The following NRXN3 variants were observed in gnomAD, a reference collection of about 807,000 sequenced individuals.
NRXN3 encodes neurexin III.
A neutral mutation model predicts 137.6 loss-of-function variants in NRXN3; 32 were observed. That is an observed-to-expected ratio of 0.23 (90% CI 0.18 to 0.31). NRXN3 has a LOEUF of 0.31. Ranked by LOEUF, NRXN3 falls within the 10% of genes least tolerant of loss-of-function variation. NRXN3 has a pLI of 1.00. For missense variants in NRXN3, 1,574 were observed against 2,062.5 expected (o/e 0.76, Z 4.59); for synonymous variants, 798 against 784.5 (o/e 1.02, Z -0.29).
intron 15 of NRXN3, among the ~76,000 whole-genome samples, chr14:79,307,974 G>T (rs1011960587): frequency 6.6e-6 from 1 of 151,984 alleles, no homozygotes; most frequent in Non-Finnish European, 1.5e-5. Context: ...TTTCTCTGAG[G>T]CCTCTGTCTT....
chr14:78,517,515 T>A (rs1388464598), intron 4 of NRXN3, among the ~76,000 whole-genome samples: 1 of 152,156 alleles, frequency 6.6e-6, no homozygotes, highest in Non-Finnish European at 1.5e-5. Flanking sequence ...CTATGCTCAT[T>A]ATCAAAAAGC....
intron 4 of NRXN3, among the ~76,000 whole-genome samples, chr14:78,492,647 A>G (rs1207763437): frequency 8.5e-5 from 13 of 152,204 alleles, no homozygotes; most frequent in African/African-American, 2.7e-4. Context: ...AAAGCTATTT[A>G]CAGATACACT....
chr14:79,175,850 C>T (rs980309590), intron 15 of NRXN3, among the ~76,000 whole-genome samples: 5 of 152,196 alleles, frequency 3.3e-5, no homozygotes, highest in African/African-American at 1.2e-4. Context: ...TCTCTGTTTC[C>T]TGGCTAAGTT....
Position 78,215,772 on chromosome 14 carries a change from G to GGC in NRXN3, c.-703-26618_-703-26617insCG, listed in dbSNP as rs796829747. ...GGTTTCGTTTGTGCTGCAGGGGGGT[G>GGC]GGGGGGGCAGGGGTTAGTTTGTGCA... is the stretch of plus-strand genomic sequence containing the variant. On this transcript the variant is annotated intron_variant, in intron 1 of 20. Transcript: ENST00000335750. 3.4e-4 allele frequency among the ~76,000 whole-genome samples: 4 copies of GGC among 11,878 alleles called. No individual in the cohort carries two copies. The South Asian group carries it at 0.012, about 37-fold the overall frequency. The allele number at this position is 11,878 out of a possible 152,430, so 7.8% of individuals were successfully genotyped here.
intron 4 of NRXN3, among the ~76,000 whole-genome samples, chr14:78,441,277 C>T (rs1055461256): frequency 1.3e-5 from 2 of 152,160 alleles, no homozygotes; most frequent in African/African-American, 2.4e-5. Context: ...TCTCATCCTT[C>T]TTTCTCCTCC....
At chr14:78,726,380 C>T (rs2098483515) in intron 8 of NRXN3, among the ~76,000 whole-genome samples, 1 of 152,086 alleles carries the variant, frequency 6.6e-6, no homozygotes, top group South Asian at 2.1e-4. Context: ...TGATGTTCCC[C>T]TCCCTGTGTC....
At chr14:78,740,923 A>T (rs2098566263) in intron 8 of NRXN3, among the ~76,000 whole-genome samples, 1 of 152,204 alleles carries the variant, frequency 6.6e-6, no homozygotes, top group Non-Finnish European at 1.5e-5. Context: ...AATGTATTTA[A>T]AAGAAAATAG....
At chr14:79,234,670 G>C (rs2073066922) in intron 15 of NRXN3, among the ~76,000 whole-genome samples, 1 of 151,820 alleles carries the variant, frequency 6.6e-6, no homozygotes, top group African/African-American at 2.4e-5. Flanking sequence ...GTGTAAGCCA[G>C]GGTAGCTTTT....
At chr14:79,398,124 G>C (rs2095079409) in intron 15 of NRXN3, among the ~76,000 whole-genome samples, 1 of 152,182 alleles carries the variant, frequency 6.6e-6, no homozygotes, top group African/African-American at 2.4e-5. Flanking sequence ...ACTCTGAACT[G>C]TATACTCTTG....
At chr14:79,029,430 T>G (rs1419941398) in intron 15 of NRXN3, among the ~76,000 whole-genome samples, 1 of 152,094 alleles carries the variant, frequency 6.6e-6, no homozygotes, top group Admixed American at 6.6e-5. Flanking sequence ...CACCCAAAAG[T>G]CAAGAGGGTG....
At chr14:78,606,156 C>A (rs1180096396) in intron 4 of NRXN3, among the ~76,000 whole-genome samples, 1 of 152,056 alleles carries the variant, frequency 6.6e-6, no homozygotes, top group African/African-American at 2.4e-5. Flanking sequence ...ACATCTGTTC[C>A]CCTTATGGCA....
chr14:79,851,082 C>A (rs750116779), intron 20 of NRXN3, among the ~76,000 whole-genome samples: 13 of 152,130 alleles, frequency 8.5e-5, no homozygotes, highest in Non-Finnish European at 1.6e-4. Context: ...TCAGTAGAAG[C>A]CTTAGAGAAC....
At chr14:78,794,599 A>G (rs1191459851) in intron 8 of NRXN3, among the ~76,000 whole-genome samples, 1 of 149,288 alleles carries the variant, frequency 6.7e-6, no homozygotes, top group African/African-American at 2.6e-5. Flanking sequence ...GAGTTTGTCT[A>G]TTCTATTTGT....
chr14:78,815,330 A>C (rs1419842098), intron 10 of NRXN3, among the ~76,000 whole-genome samples: 1 of 152,174 alleles, frequency 6.6e-6, no homozygotes, highest in Non-Finnish European at 1.5e-5. Flanking sequence ...ATAAGCTGAT[A>C]CCTTTGATTC....
chr14:79,837,112 ATTGACTT>A (rs1468680292), intron 20 of NRXN3, among the ~76,000 whole-genome samples: 3 of 152,244 alleles, frequency 2.0e-5, no homozygotes, highest in African/African-American at 7.2e-5. Context: ...TATGTATGCA[ATTGACTT>A]TTGACTTTTG....
At chr14:79,433,931 CCT>C (rs1399578980) in intron 15 of NRXN3, among the ~76,000 whole-genome samples, 12 of 152,156 alleles carry the variant, frequency 7.9e-5, no homozygotes, top group Admixed American at 6.6e-4. Context: ...AAAAGTTGAA[CCT>C]CTGTCACCTG....
intron 19 of NRXN3, among the ~76,000 whole-genome samples, chr14:79,784,187 T>C (rs1198524169): frequency 6.6e-6 from 1 of 152,206 alleles, no homozygotes; most frequent in Non-Finnish European, 1.5e-5. Flanking sequence ...ATGTGAAGCA[T>C]GGTGTGCTCT....
intron 13 of NRXN3, among the ~76,000 whole-genome samples, chr14:78,967,870 A>G (rs79522932): frequency 0.015 from 2,332 of 152,288 alleles, 20 homozygotes; most frequent in Non-Finnish European, 0.024. Flanking sequence ...TATTATTGGT[A>G]ACAAGCACAT....
intron 20 of NRXN3, among the ~76,000 whole-genome samples, chr14:79,823,401 T>A (rs1296464282): frequency 6.6e-6 from 1 of 152,188 alleles, no homozygotes; most frequent in African/African-American, 2.4e-5. Context: ...GATATTTTGA[T>A]AATCATACTC....
Sources: allele counts gnomAD v4.1 joint callset (sites outside exome capture counted in the v4.1 genomes callset), GRCh38; gene constraint gnomAD v4.1.1; transcripts MANE v1.5; gene names NCBI Gene and HGNC (gene_info 2026-07-23, HGNC 2026-07-21).